The following MSRA variants were observed in gnomAD, a reference collection of about 807,000 sequenced individuals.
The protein encoded by MSRA is methionine sulfoxide reductase A.
In MSRA, 54 loss-of-function variants were observed where a neutral mutation model predicts 31.3. The ratio of observed to expected loss-of-function variants is 1.73; its 90% CI spans 1.39 to 2.17. MSRA has a LOEUF of 2.17. Among genes scored for constraint, MSRA ranks in the 30% most tolerant of loss-of-function variants. The pLI, the probability that MSRA is intolerant of heterozygous loss-of-function variation, is 0.00. For missense variants in MSRA, 507 were observed against 300.9 expected (o/e 1.69, Z -5.07); for synonymous variants, 169 against 116.5 (o/e 1.45, Z -2.90).
At chr8:10,175,049 CA>C (rs750321221) in intron 1 of MSRA, among the ~76,000 whole-genome samples, 9 of 152,188 alleles carry the variant, frequency 5.9e-5, no homozygotes, top group Non-Finnish European at 1.0e-4. Flanking sequence ...TCTACCCGAA[CA>C]TGATTCACCA....
chr8:10,284,309 C>A (rs1296025387), intron 3 of MSRA, among the ~76,000 whole-genome samples: 1 of 152,126 alleles, frequency 6.6e-6, no homozygotes, highest in East Asian at 1.9e-4. Context: ...CTGCCTCAGC[C>A]TCCCGAATAG....
rs771275218 is a variant in MSRA, at chr8:10,428,243, C to T, written c.639C>T (p.Ser213=). The T allele has an allele frequency of 6.8e-6, 11 of 1,614,078 alleles. No homozygotes were observed. Among genetic ancestry groups the T allele is most frequent in the Non-Finnish European group, 8.5e-6 (10 of 1,180,034 alleles). ...AAGACTACCACCAGCAGTACCTGAG[C>T]AAGAACCCCAATGGCTACTGCGGCC... ...YAEDYHQQYL[S]KNPNGYCGLG... The change falls in exon 6 of 6, where the codon AGC becomes AGT. Residue 213 remains serine, a synonymous_variant. Transcript: ENST00000317173.
intron 5 of MSRA, among the ~76,000 whole-genome samples, chr8:10,389,790 C>CTTTTTTTT (rs55769720): frequency 1.9e-4 from 23 of 123,344 alleles, no homozygotes; most frequent in Non-Finnish European, 3.4e-4. Context: ...GAAACTTACT[C>CTTTTTTTT]TTTTTTTTTT....
intron 1 of MSRA, among the ~76,000 whole-genome samples, chr8:10,122,690 C>G (rs181076398): frequency 6.6e-6 from 1 of 151,888 alleles, no homozygotes; most frequent in African/African-American, 2.4e-5. Flanking sequence ...TCCTCCTGCC[C>G]TCTACACTCA....
intron 3 of MSRA, among the ~76,000 whole-genome samples, chr8:10,271,898 A>G (rs1280278991): frequency 6.6e-6 from 1 of 152,078 alleles, no homozygotes; most frequent in African/African-American, 2.4e-5. Context: ...TTGTATTTTT[A>G]GTAAAGACAG....
intron 1 of MSRA, among the ~76,000 whole-genome samples, chr8:10,190,970 C>T (rs1807458104): frequency 6.6e-6 from 1 of 152,138 alleles, no homozygotes; most frequent in Admixed American, 6.5e-5. Flanking sequence ...GGTCGATCAG[C>T]TTCAGCATTA....
chr8:10,237,181 A>C (rs1173437333), intron 2 of MSRA, among the ~76,000 whole-genome samples: 1 of 152,174 alleles, frequency 6.6e-6, no homozygotes, highest in Admixed American at 6.5e-5. Context: ...TGCTAAGAGG[A>C]AACAATACTG....
intron 5 of MSRA, among the ~76,000 whole-genome samples, chr8:10,395,619 C>T (rs565151243): frequency 6.6e-6 from 1 of 152,308 alleles, no homozygotes; most frequent in South Asian, 2.1e-4. Context: ...AATGAGTCAT[C>T]TCAGCTTGGC....
Position 10,423,285 on chromosome 8 carries a change from G to A in MSRA, c.544-4863G>A, listed in dbSNP as rs550963675. ...TAAAACCGAGATCCGGATCTAAGGC[G>A]TTCCATCTGCTCCAATTCGTTAAGG... On this transcript the variant is annotated intron_variant, in intron 5 of 5. Transcript: ENST00000317173. Among the ~76,000 whole-genome samples the A allele has an allele frequency of 9.9e-5, 15 of 152,274 alleles. No homozygotes were observed. The South Asian group carries it at 2.1e-3, about 21-fold the overall frequency.
intron 1 of MSRA, among the ~76,000 whole-genome samples, chr8:10,085,980 T>G (rs1028154337): frequency 6.6e-6 from 1 of 152,222 alleles, no homozygotes; most frequent in Non-Finnish European, 1.5e-5. Flanking sequence ...GTGTTCAGAT[T>G]GTTTCCAGTT....
chr8:10,128,780 T>G (rs758167363), intron 1 of MSRA, among the ~76,000 whole-genome samples: 1 of 152,248 alleles, frequency 6.6e-6, no homozygotes, highest in African/African-American at 2.4e-5. Flanking sequence ...TCAGAGGTAC[T>G]CTTCATGACC....
At chr8:10,125,130 T>C (rs1585203737) in intron 1 of MSRA, among the ~76,000 whole-genome samples, 1 of 152,208 alleles carries the variant, frequency 6.6e-6, no homozygotes, top group South Asian at 2.1e-4. Context: ...TTTGAGGATA[T>C]GTCCAGTAAT....
intron 1 of MSRA, among the ~76,000 whole-genome samples, chr8:10,115,357 G>A (rs1800600839): frequency 6.6e-6 from 1 of 152,228 alleles, no homozygotes; most frequent in African/African-American, 2.4e-5. Flanking sequence ...GACAGAGCTG[G>A]CTGTGATGCA....
In MSRA at chr8:10,150,681, C is replaced by T. The variant is rs762258995; in HGVS notation, c.143-57152C>T. Among the ~76,000 whole-genome samples the T allele has an allele frequency of 3.3e-5, 5 of 152,066 alleles. No homozygotes were observed. The East Asian group carries it at 5.8e-4, about 18-fold the overall frequency. On this transcript the variant is annotated intron_variant, in intron 1 of 5. Transcript: ENST00000317173. ...TGTGGGTTTGTTTTTCTGTCTGACTCGGTAATTTGACTTATATGAAAACAG... is the reference window on the plus strand; with the variant it reads ...TGTGGGTTTGTTTTTCTGTCTGACTTGGTAATTTGACTTATATGAAAACAG...
intron 5 of MSRA, among the ~76,000 whole-genome samples, chr8:10,354,428 G>T (rs189552695): frequency 6.6e-6 from 1 of 152,142 alleles, no homozygotes; most frequent in African/African-American, 2.4e-5. Flanking sequence ...CTTTCTGGAG[G>T]AACAGAACTT....
intron 3 of MSRA, among the ~76,000 whole-genome samples, chr8:10,287,119 A>T (rs149397954): frequency 9.2e-5 from 14 of 152,310 alleles, no homozygotes; most frequent in African/African-American, 3.1e-4. Flanking sequence ...ATCATCAGAG[A>T]TCTACTAGTC....
At chr8:10,202,743 A>T (rs13275453) in intron 1 of MSRA, among the ~76,000 whole-genome samples, 32,521 of 152,232 alleles carry the variant, frequency 0.21, 4,637 homozygotes, top group Non-Finnish European at 0.33. Flanking sequence ...CCTAACTGTT[A>T]TATAGAGTTT....
intron 2 of MSRA, among the ~76,000 whole-genome samples, chr8:10,210,343 T>C (rs1223905027): frequency 6.6e-6 from 1 of 152,240 alleles, no homozygotes; most frequent in Non-Finnish European, 1.5e-5. Flanking sequence ...TGATGTTCCC[T>C]GACTCTCTCT....
intron 5 of MSRA, among the ~76,000 whole-genome samples, chr8:10,327,107 G>A (rs34795112): frequency 0.33 from 49,432 of 152,032 alleles, 8,863 homozygotes; most frequent in Non-Finnish European, 0.42. Context: ...GAAAAGCAGC[G>A]TTTTCCTTTG....
Sources: allele counts gnomAD v4.1 joint callset (sites outside exome capture counted in the v4.1 genomes callset), GRCh38; gene constraint gnomAD v4.1.1; transcripts MANE v1.5; gene names NCBI Gene and HGNC (gene_info 2026-07-23, HGNC 2026-07-21).